Variants in CCNB3 observed in about 807,000 individuals in gnomAD.
The protein encoded by CCNB3 is cyclin B3, also known as G2/mitotic-specific cyclin-B3.
CCNB3 carries 12 observed loss-of-function variants against 68.0 expected under a neutral mutation model. The observed-to-expected ratio is 0.18, with a 90% confidence interval of 0.11 to 0.29. CCNB3 has a LOEUF of 0.29. Among genes scored for constraint, CCNB3 ranks in the 10% least tolerant of loss-of-function variants. CCNB3 has a pLI of 1.00. For missense variants in CCNB3, 904 were observed against 993.1 expected (o/e 0.91, Z 1.21); for synonymous variants, 354 against 388.9 (o/e 0.91, Z 1.06).
chrX:50,228,682 G>C (rs1321596883), intron 1 of CCNB3, among the ~76,000 whole-genome samples: 1 of 63,759 alleles, frequency 1.6e-5, no homozygotes, highest in African/African-American at 6.3e-5. Context: ...AATATATATA[G>C]AATATATACA....
intron 5 of CCNB3, among the ~76,000 whole-genome samples, chrX:50,302,542 T>C (rs1557212903): frequency 8.9e-6 from 1 of 111,973 alleles, no homozygotes. Context: ...TTCACAGTTA[T>C]ACAGCCATGA....
At chrX:50,328,796 A>G (rs1557217668) in intron 8 of CCNB3, among the ~76,000 whole-genome samples, 1 of 112,266 alleles carries the variant, frequency 8.9e-6, no homozygotes, top group East Asian at 2.8e-4. Context: ...CAAGTTATTT[A>G]CTTCCAAGAT....
chrX:50,331,705 C>A (rs1240567760), intron 8 of CCNB3, among the ~76,000 whole-genome samples: 2 of 111,526 alleles, frequency 1.8e-5, no homozygotes, highest in Non-Finnish European at 3.8e-5. Flanking sequence ...CTTGTTTTTC[C>A]TGGAATTTCT....
chrX:50,228,882 GTAGAATATATATA>G (rs1466926234), intron 1 of CCNB3, among the ~76,000 whole-genome samples: 46 of 33,538 alleles, frequency 1.4e-3, no homozygotes, highest in African/African-American at 4.0e-3. Context: ...GAATATATAT[GTAGAATATATATA>G]TAGAATATAT....
chrX:50,210,854 CG>C (rs1216936565), intron 1 of CCNB3, among the ~76,000 whole-genome samples: 3 of 111,732 alleles, frequency 2.7e-5, no homozygotes, highest in Non-Finnish European at 5.6e-5. Flanking sequence ...TAACGAGTCA[CG>C]CTGGAGATGT....
chrX:50,322,385 C>T (rs1922066925), intron 8 of CCNB3, among the ~76,000 whole-genome samples: 1 of 111,121 alleles, frequency 9.0e-6, no homozygotes, highest in Admixed American at 9.6e-5. Context: ...AAAGCTGAAA[C>T]TGGATCCCTT....
intron 9 of CCNB3, 143 bp downstream of exon 9, chrX:50,342,482 C>T (rs1213346763): frequency 9.4e-6 from 5 of 533,824 alleles, no homozygotes; most frequent in Non-Finnish European, 1.1e-5. Flanking sequence ...TATGGTGGTC[C>T]CATAAGAGTA....
chrX:50,314,649 G>A (rs1182127100), intron 8 of CCNB3, among the ~76,000 whole-genome samples: 1 of 111,772 alleles, frequency 8.9e-6, no homozygotes, highest in Non-Finnish European at 1.9e-5. Context: ...TGGGGTGACA[G>A]ACCAAGGAAT....
chrX:50,310,225 A>G lies in CCNB3; in HGVS notation c.2056A>G (p.Ser686Gly), dbSNP rs782198463. ...ATTGCATGTTAAGCATACCAACAAA[A>G]GTGGGTCCCTCTTCCAGGAGGCTTT... ...FSLHVKHTNK[S>G]GSLFQEALVL... Residue 686 changes from serine to glycine, a missense_variant, in exon 6 of 13, where the codon AGT becomes GGT. By Grantham distance (56) the Ser-to-Gly change is moderately conservative. Transcript: ENST00000376042. The G allele has an allele frequency of 6.5e-5, 78 of 1,208,351 alleles. No homozygotes were observed. Among genetic ancestry groups the G allele is most frequent in the Non-Finnish European group, 8.5e-5 (76 of 894,191 alleles).
chrX:50,212,088 A>G (rs1935492070), intron 1 of CCNB3, among the ~76,000 whole-genome samples: 1 of 111,941 alleles, frequency 8.9e-6, no homozygotes, highest in African/African-American at 3.3e-5. Context: ...CAACAGTTTT[A>G]CATTCACCTA....
At chrX:50,298,509 T>C (rs1280792898) in intron 5 of CCNB3, among the ~76,000 whole-genome samples, 1 of 112,016 alleles carries the variant, frequency 8.9e-6, no homozygotes, top group Non-Finnish European at 1.9e-5. Context: ...ATAAGCTTTT[T>C]GCTGTGCTGC....
At chrX:50,330,498 C>T (rs184981374) in intron 8 of CCNB3, among the ~76,000 whole-genome samples, 1 of 111,717 alleles carries the variant, frequency 9.0e-6, no homozygotes, top group African/African-American at 3.2e-5. Context: ...AGTGGGAGTT[C>T]TCACTTTCTT....
intron 1 of CCNB3, among the ~76,000 whole-genome samples, chrX:50,279,415 AATATATAAATATATATAAATAT>A (rs1936038197): frequency 3.9e-5 from 3 of 76,758 alleles, no homozygotes; most frequent in African/African-American, 1.7e-4. Context: ...GAAATATATA[AATATATAAATATATATAAATAT>A]ATATATAAAT....
At chrX:50,318,452 A>T (rs1486234326) in intron 8 of CCNB3, among the ~76,000 whole-genome samples, 1 of 111,292 alleles carries the variant, frequency 9.0e-6, no homozygotes, top group Non-Finnish European at 1.9e-5. Flanking sequence ...GGCGGAAGTT[A>T]CAGTAAGCCA....
At chrX:50,341,456 G>A (rs1243399368) in intron 8 of CCNB3, among the ~76,000 whole-genome samples, 3 of 106,971 alleles carry the variant, frequency 2.8e-5, no homozygotes, top group Non-Finnish European at 5.8e-5. Flanking sequence ...AACTGGAAAA[G>A]CAAGAACTGC....
intron 1 of CCNB3, among the ~76,000 whole-genome samples, chrX:50,221,411 A>G: frequency 9.0e-6 from 1 of 111,583 alleles, no homozygotes; most frequent in Admixed American, 9.5e-5. Flanking sequence ...GTGGGCATTT[A>G]GTGCTATAAA....
intron 8 of CCNB3, among the ~76,000 whole-genome samples, chrX:50,336,334 G>A (rs1417261284): frequency 1.8e-5 from 2 of 111,415 alleles, no homozygotes; most frequent in African/African-American, 3.3e-5. Flanking sequence ...CCTTTTGGGG[G>A]AATTCCCCTA....
chrX:50,220,346 G>T (rs929323506), intron 1 of CCNB3, among the ~76,000 whole-genome samples: 171 of 111,084 alleles, frequency 1.5e-3, no homozygotes, highest in Admixed American at 3.5e-3. Flanking sequence ...GTCTTGTGCC[G>T]GTTTTCAAAG....
chrX:50,299,353 A>G (rs1323627221), intron 5 of CCNB3, among the ~76,000 whole-genome samples: 3 of 111,540 alleles, frequency 2.7e-5, no homozygotes, highest in Non-Finnish European at 5.6e-5. Flanking sequence ...CGTTGGTTTC[A>G]AAGAACATCT....
Sources: gnomAD v4.1 joint callset for allele counts (sites outside exome capture counted in the v4.1 genomes callset) on GRCh38, gnomAD v4.1.1 for gene constraint, MANE v1.5 for transcripts, NCBI Gene and HGNC (gene_info 2026-07-23, HGNC 2026-07-21) for gene names.